ESYT1: variants seen among roughly 807,000 people sequenced by gnomAD.
ESYT1 encodes the protein extended synaptotagmin-1.
In ESYT1, 116 loss-of-function variants were observed where a neutral mutation model predicts 154.2. The ratio of observed to expected loss-of-function variants is 0.75; its 90% CI spans 0.65 to 0.88. The LOEUF (loss-of-function observed/expected upper bound fraction) is 0.88, where lower values mean the gene tolerates loss of function less well. ESYT1 is among the 40% of genes least tolerant of loss of function. The pLI, the probability that ESYT1 is intolerant of heterozygous loss-of-function variation, is 0.00. For synonymous variants in ESYT1, 500 were observed against 539.9 expected (o/e 0.93, Z 1.02); for missense variants, 1,264 against 1,379.3 (o/e 0.92, Z 1.32).
intron 13 of ESYT1, 48 bp from the exon 14 acceptor site, chr12:56,134,062 A>G: frequency 6.2e-7 from 1 of 1,610,708 alleles, no homozygotes. Flanking sequence ...CACCAAAACC[A>G]AAACCGAATC....
chr12:56,137,040 C>T lies in ESYT1; in HGVS notation c.1782+147C>T, dbSNP rs1369715798. The T allele has an allele frequency of 2.3e-6, 3 of 1,300,348 alleles. No homozygotes were observed. In the East Asian group the frequency reaches 7.0e-5, roughly 30 times the overall value. The allele number at this position is 1,300,348 out of a possible 1,614,324, so 80.6% of individuals were successfully genotyped here. On this transcript the variant is annotated intron_variant, in intron 16 of 30. Transcript: ENST00000394048. The stretch of plus-strand genomic sequence containing the variant: ...GGCACAAAAACATATATTGATCTGA[C>T]TGGTGGAAGGAATGGCTTATGAGTT...
At position 56,138,607 on chromosome 12, in the gene ESYT1, C is replaced by G. The variant is rs961548267; in HGVS notation, c.2433+108C>G. 3 of 1,313,522 alleles carry G rather than the reference C, an allele frequency of 2.3e-6. No homozygotes were observed. The African/African-American group carries it at 4.4e-5, about 19-fold the overall frequency. 81.4% of individuals were successfully genotyped at this position (1,313,522 alleles called of 1,614,324 possible). ...AATAAGAAAAATGGCCCCTCTCTTTCTGAGGGTAGTGCAGGGGTGGGAAAA... is the reference window on the plus strand; with the variant it reads ...AATAAGAAAAATGGCCCCTCTCTTTGTGAGGGTAGTGCAGGGGTGGGAAAA... On this transcript the variant is annotated intron_variant, in intron 22 of 30. Transcript: ENST00000394048.
rs756896329 is a variant in ESYT1, at chr12:56,143,845, G to A, written c.3298G>A (p.Asp1100Asn). Residue 1100 changes from aspartate to asparagine, a missense_variant, in exon 31 of 31, where the codon GAC becomes AAC. By Grantham distance (23) the Asp-to-Asn change is conservative (BLOSUM62 1). Transcript: ENST00000394048. Reference sequence around the variant, plus strand: ...CAGGTATGACCTGATGGACAACAAGGACAAGGGCAGCTCCTAGGAGCTGGC... The same window carrying A: ...CAGGTATGACCTGATGGACAACAAGAACAAGGGCAGCTCCTAGGAGCTGGC... The part of the protein sequence containing the change: ...ARWYDLMDNK[D>N]KGSS The A allele has an allele frequency of 6.2e-7, 1 of 1,613,948 alleles. No individual in the cohort carries two copies. The highest frequency in any genetic ancestry group is 8.5e-7 in the Non-Finnish European group (1 of 1,179,916).
At position 56,144,170 on chromosome 12, in the gene ESYT1, C is replaced by T. The variant is rs9634276; in HGVS notation, c.*308C>T. The T allele has an allele frequency of 9.9e-5, 131 of 1,322,560 alleles. 1 individual carries two copies. The East Asian group carries it at 3.8e-3, about 38-fold the overall frequency. 81.9% of individuals were successfully genotyped at this position (1,322,560 alleles called of 1,614,324 possible). On this transcript the variant is annotated 3_prime_UTR_variant, in exon 31 of 31. Transcript: ENST00000394048. Reference sequence around the variant, plus strand: ...AGGGCCTTCTGTATCTGTGCCTGGCCAGTGGCAGCACTAGCAGTGGTATTA... The same window carrying T: ...AGGGCCTTCTGTATCTGTGCCTGGCTAGTGGCAGCACTAGCAGTGGTATTA...
At chr12:56,135,762 C>T (rs981708823) in intron 15 of ESYT1, among the ~76,000 whole-genome samples, 2 of 151,572 alleles carry the variant, frequency 1.3e-5, no homozygotes, top group Admixed American at 6.6e-5. Flanking sequence ...CATGGTGGTG[C>T]GTGCCTGTAA....
Position 56,131,814 on chromosome 12 carries a change from A to G in ESYT1, c.860+10A>G. The G allele has an allele frequency of 1.2e-6, 2 of 1,614,018 alleles. No individual in the cohort carries two copies. Among genetic ancestry groups the G allele is most frequent in the Non-Finnish European group, 1.7e-6 (2 of 1,179,910 alleles). On this transcript the variant is annotated intron_variant, in intron 7 of 30. Transcript: ENST00000394048. Reference sequence around the variant, plus strand: ...ATATCCCAGGACTTAGGTATCAAGGACTTACTGAGCACCTGCTGAGTGTTC... The same window carrying G: ...ATATCCCAGGACTTAGGTATCAAGGGCTTACTGAGCACCTGCTGAGTGTTC...
Position 56,132,190 on chromosome 12 carries a change from T to C in ESYT1, c.861-19T>C. 5 of 1,614,158 alleles carry C rather than the reference T, an allele frequency of 3.1e-6. No homozygotes were observed. The highest frequency in any genetic ancestry group is 2.5e-6 in the Non-Finnish European group (3 of 1,180,014). ...TGGAAGTTGAGGCCATACCCACTCC[T>C]TTCTACTCCCCCATTCAGCTCACTC... On this transcript the variant is annotated intron_variant, in intron 7 of 30. Coordinates refer to ENST00000394048, the MANE Select transcript of ESYT1 (RefSeq NM_015292.3).
rs373806602 is a variant in ESYT1, at chr12:56,137,858, A to C, written c.2142A>C (p.Gln714His). 3 of 1,614,064 alleles carry C rather than the reference A, an allele frequency of 1.9e-6. No homozygotes were observed. The highest frequency in any genetic ancestry group is 2.5e-6 in the Non-Finnish European group (3 of 1,180,042). Residue 714 changes from glutamine to histidine, a missense_variant, in exon 19 of 31, where the codon CAA (glutamine) becomes CAC (histidine). Physicochemically the swap from Gln to His is conservative, Grantham distance 24. Coordinates refer to ENST00000394048, the MANE Select transcript of ESYT1 (RefSeq NM_015292.3). Reference sequence around the variant, plus strand: ...TGATCGTCACATCAGTTCCAGGCCAAGAGCTAGAGGTTGAAGTCTTTGACA... The same window carrying C: ...TGATCGTCACATCAGTTCCAGGCCACGAGCTAGAGGTTGAAGTCTTTGACA... ...FEVIVTSVPG[Q>H]ELEVEVFDKD...
chr12:56,136,264 G>C (rs969655986), intron 15 of ESYT1, among the ~76,000 whole-genome samples: 1 of 151,716 alleles, frequency 6.6e-6, no homozygotes, highest in African/African-American at 2.4e-5. Context: ...CGAGGGAAGA[G>C]AATGAGGACT....
rs753670936 is a variant in ESYT1, at chr12:56,138,241, C to T, written c.2306C>T (p.Thr769Ile). The T allele has an allele frequency of 6.2e-7, 1 of 1,614,094 alleles. No individual in the cohort carries two copies. Among genetic ancestry groups the T allele is most frequent in the Non-Finnish European group, 8.5e-7 (1 of 1,179,922 alleles). ...GRLHLRLERL[T>I]PRPTAAELEE... is the part of the protein sequence containing the mutation. ...CTGCACTTGCGCCTGGAGCGTCTCA[C>T]CCCCCGTCCCACTGCTGCTGAGTTA... Residue 769 changes from threonine to isoleucine, a missense_variant, in exon 21 of 31, where the codon ACC becomes ATC. Physicochemically the swap from Thr to Ile is moderately conservative, Grantham distance 89. Coordinates refer to ENST00000394048, the MANE Select transcript of ESYT1 (RefSeq NM_015292.3).
At chr12:56,130,301 C>T in intron 1 of ESYT1, 1 of 540,492 alleles carries the variant, frequency 1.9e-6, no homozygotes, top group East Asian at 3.0e-5. Context: ...TTCTCCTCCT[C>T]CCGCTCCTCT....
At position 56,136,843 on chromosome 12, in the gene ESYT1, C is replaced by T; in HGVS notation, c.1732C>T (p.Leu578Phe). ...PELILDQWFQ[L>F]SSSGPNSRLY... Reference sequence around the variant, plus strand: ...ACTCATCCTGGACCAGTGGTTCCAGCTCAGCAGCTCTGGTCCAAACTCCAG... The same window carrying T: ...ACTCATCCTGGACCAGTGGTTCCAGTTCAGCAGCTCTGGTCCAAACTCCAG... The change falls in exon 16 of 31, where the codon CTC becomes TTC. Residue 578 changes from leucine (L) to phenylalanine (F), a missense_variant. Leu to Phe is a conservative substitution (Grantham distance 22, BLOSUM62 0). Coordinates refer to ENST00000394048, the MANE Select transcript of ESYT1 (RefSeq NM_015292.3). 6.2e-7 allele frequency: 1 copy of T among 1,612,622 alleles called. No homozygotes were observed. The highest frequency in any genetic ancestry group is 8.5e-7 in the Non-Finnish European group (1 of 1,179,006).
intron 9 of ESYT1, 59 bp downstream of exon 9, chr12:56,132,656 T>C (rs1283641057): frequency 1.9e-6 from 3 of 1,613,514 alleles, no homozygotes; most frequent in Non-Finnish European, 2.5e-6. Flanking sequence ...TGAGAGAAGA[T>C]GCTGATTGGA....
Position 56,136,856 on chromosome 12 carries a change from G to T in ESYT1, c.1745G>T (p.Gly582Val), listed in dbSNP as rs764280434. 11 of 1,611,840 alleles carry T rather than the reference G, an allele frequency of 6.8e-6. No individual in the cohort carries two copies. The highest frequency in any genetic ancestry group is 8.5e-6 in the Non-Finnish European group (10 of 1,178,584). The change falls in exon 16 of 31, where the codon GGT (glycine) becomes GTT (valine). Residue 582 changes from glycine (G) to valine (V), a missense_variant. Gly to Val is a moderately radical substitution (Grantham distance 109, BLOSUM62 -3). Transcript: ENST00000394048. ...LDQWFQLSSS[G>V]PNSRLYMKLV... ...CAGTGGTTCCAGCTCAGCAGCTCTG[G>T]TCCAAACTCCAGACTCTATATGAAA...
Position 56,134,206 on chromosome 12 carries a change from G to A in ESYT1, c.1545+25G>A, listed in dbSNP as rs182089767. The A allele has an allele frequency of 2.7e-4, 435 of 1,610,536 alleles. 1 individual carries two copies. The African/African-American group carries it at 4.7e-3, about 17-fold the overall frequency. ...GGTGAGGGCCAGGACATCATTGTGG[G>A]TGGCCAGGTAGGACAGGGAGAGGCC... On this transcript the variant is annotated intron_variant, in intron 14 of 30. Transcript: ENST00000394048.
chr12:56,143,463 C>G, intron 29 of ESYT1, 117 bp from the exon 30 acceptor site: 6 of 1,502,334 alleles, frequency 4.0e-6, no homozygotes, highest in Non-Finnish European at 4.6e-6. Context: ...TGGTTTGGGA[C>G]GAGTATGTGA....
Position 56,128,478 on chromosome 12 carries a change from G to A in ESYT1, c.159G>A (p.Ala53=). The A allele has an allele frequency of 6.2e-7, 1 of 1,610,962 alleles. No individual in the cohort carries two copies. Among genetic ancestry groups the A allele is most frequent in the African/African-American group, 1.3e-5 (1 of 75,042 alleles). Residue 53 remains alanine (A), a synonymous_variant, in exon 1 of 31, where the codon GCG becomes GCA. Coordinates refer to ENST00000394048, the MANE Select transcript of ESYT1 (RefSeq NM_015292.3). ...CTGGCGCGGCGGGTGAGGCCCTGGCGGTGCTGACTTCATTCGGGAGGCGGT... is the reference window on the plus strand; with the variant it reads ...CTGGCGCGGCGGGTGAGGCCCTGGCAGTGCTGACTTCATTCGGGAGGCGGT... ...AGPGAAGEAL[A]VLTSFGRRLL...
At position 56,144,363 on chromosome 12, in the gene ESYT1, G is replaced by A. The variant is rs1870836435; in HGVS notation, c.*501G>A. 3.0e-6 allele frequency: 3 copies of A among 1,004,434 alleles called. No homozygotes were observed. The highest frequency in any genetic ancestry group is 1.7e-5 in the African/African-American group (1 of 57,622). 62.2% of individuals were successfully genotyped at this position (1,004,434 alleles called of 1,614,324 possible). On this transcript the variant is annotated 3_prime_UTR_variant, in exon 31 of 31. Coordinates refer to ENST00000394048, the MANE Select transcript of ESYT1 (RefSeq NM_015292.3). ...TCAGCAGCTCAGGCCCCCATGTCCA[G>A]TTCTGTCCCCACTGTCCTCAACCCT...
intron 16 of ESYT1, 79 bp downstream of exon 16, chr12:56,136,972 C>T: frequency 6.7e-7 from 1 of 1,488,828 alleles, no homozygotes; most frequent in Non-Finnish European, 9.0e-7. Context: ...GAAAGGGACC[C>T]CCCTAAGATT....
Sources: gnomAD v4.1 joint callset for allele counts (sites outside exome capture counted in the v4.1 genomes callset) on GRCh38, gnomAD v4.1.1 for gene constraint, MANE v1.5 for transcripts, NCBI Gene and HGNC (gene_info 2026-07-23, HGNC 2026-07-21) for gene names.